REEP4: variants seen among roughly 807,000 people sequenced by gnomAD.
REEP4 encodes receptor accessory protein 4.
A neutral mutation model predicts 33.5 loss-of-function variants in REEP4; 17 were observed. The ratio of observed to expected loss-of-function variants is 0.51; its 90% confidence interval spans 0.35 to 0.76. The LOEUF (loss-of-function observed/expected upper bound fraction) is 0.76, where lower values mean the gene tolerates loss of function less well. Ranked by LOEUF, REEP4 falls within the 30% of genes least tolerant of loss-of-function variation. REEP4 has a pLI of 0.01. For missense variants in REEP4, 340 were observed against 357.9 expected (o/e 0.95, Z 0.40); for synonymous variants, 157 against 142.9 (o/e 1.10, Z -0.70).
At chr8:22,139,822 G>A (rs1827197563) in intron 4 of REEP4, 141 bp downstream of exon 4, 2 of 1,009,632 alleles carry the variant, frequency 2.0e-6, no homozygotes, top group South Asian at 1.6e-5. Flanking sequence ...GAGGTAGGCT[G>A]GGCCCTGTCA....
In REEP4 at chr8:22,140,672, C is replaced by G; in HGVS notation, c.58G>C (p.Ala20Pro). The G allele has an allele frequency of 1.2e-6, 2 of 1,613,896 alleles. No individual in the cohort carries two copies. The highest frequency in any genetic ancestry group is 1.7e-6 in the Non-Finnish European group (2 of 1,179,842). ...VVLVFGMLCP[A>P]YASYKAVKTK... ...TTCACAGCCTTATAGGAAGCATAAGCTGGACACAGCATCCCAAACACCAGC... is the reference window on the plus strand; with the variant it reads ...TTCACAGCCTTATAGGAAGCATAAGGTGGACACAGCATCCCAAACACCAGC... Residue 20 changes from alanine (A) to proline (P), a missense_variant, in exon 2 of 8, where the codon GCT (alanine) becomes CCT (proline). By Grantham distance (27) the Ala-to-Pro change is conservative. Transcript: ENST00000306306.
chr8:22,138,153 A>T lies in REEP4; in HGVS notation c.*334T>A. On this transcript the variant is annotated 3_prime_UTR_variant, in exon 8 of 8. Transcript: ENST00000306306. ...GTACTTTGAAGGACAGGAAGGAATG[A>T]ACACACCCAGGTGGACGTTTGGTTT... 1 of 598,550 alleles carries T rather than the reference A, an allele frequency of 1.7e-6. No homozygotes were observed. Among genetic ancestry groups the T allele is most frequent in the South Asian group, 2.0e-5 (1 of 50,494 alleles). 37.1% of individuals were successfully genotyped at this position (598,550 alleles called of 1,614,324 possible). A position where few individuals can be genotyped will look rare whatever the true frequency, so the allele number is the denominator to read the frequency against.
Position 22,141,510 on chromosome 8 carries a change from AC to A in REEP4, c.-29del. On this transcript the variant is annotated 5_prime_UTR_variant, in exon 1 of 8. Transcript: ENST00000306306. Reference sequence around the variant, plus strand: ...TGCCGGCCTTTGGGACGTGGGGAGGACCCCAGGAAGCCGCTCAGAAGGACGT... The same window carrying A: ...TGCCGGCCTTTGGGACGTGGGGAGGACCCAGGAAGCCGCTCAGAAGGACGT... 1 of 1,587,404 alleles carries A rather than the reference AC, an allele frequency of 6.3e-7. No homozygotes were observed. The highest frequency in any genetic ancestry group is 8.6e-7 in the Non-Finnish European group (1 of 1,168,060).
At chr8:22,141,418 G>A in intron 1 of REEP4, 33 bp downstream of exon 1, 3 of 1,596,560 alleles carry the variant, frequency 1.9e-6, no homozygotes, top group African/African-American at 1.4e-5. Context: ...CGGCACCCCG[G>A]GGTAGAGGAG....
In REEP4 at chr8:22,139,512, G is replaced by A. The variant is rs760561058; in HGVS notation, c.321C>T (p.Ile107=). The change falls in exon 5 of 8, where the codon ATC becomes ATT. Residue 107 remains isoleucine (I), a synonymous_variant. Coordinates refer to ENST00000306306, the MANE Select transcript of REEP4 (RefSeq NM_025232.4). Reference sequence around the variant, plus strand: ...CGTAGCTGCGCTCCTTGGCCTGCACGATGTACGCGTCGATCTCCTGTGGAC... The same window carrying A: ...CGTAGCTGCGCTCCTTGGCCTGCACAATGTACGCGTCGATCTCCTGTGGAC... The part of the protein sequence containing the change: ...SRHEKEIDAY[I]VQAKERSYET... 22 of 1,609,740 alleles carry A rather than the reference G, an allele frequency of 1.4e-5. No individual in the cohort carries two copies. Among genetic ancestry groups the A allele is most frequent in the Middle Eastern group, 1.6e-4 (1 of 6,076 alleles).
Position 22,139,409 on chromosome 8 carries a change from A to G in REEP4, c.417+7T>C, listed in dbSNP as rs1435344527. ...GGGGCTGCTGGAGGGCTGGGGGCCC[A>G]GAGCACCTTGGTGGCAGCCTGCACA... On this transcript the variant is annotated splice_region_variant and intron_variant, in intron 5 of 7. Transcript: ENST00000306306. 5 of 1,600,738 alleles carry G rather than the reference A, an allele frequency of 3.1e-6. No individual in the cohort carries two copies. The highest frequency in any genetic ancestry group is 4.3e-6 in the Non-Finnish European group (5 of 1,176,274).
At position 22,138,800 on chromosome 8, in the gene REEP4, G is replaced by A. The variant is rs1827173896; in HGVS notation, c.554-7C>T. The A allele has an allele frequency of 6.3e-7, 1 of 1,587,050 alleles. No individual in the cohort carries two copies. Among genetic ancestry groups the A allele is most frequent in the Non-Finnish European group, 8.6e-7 (1 of 1,169,444 alleles). On this transcript the variant is annotated splice_region_variant and splice_polypyrimidine_tract_variant and intron_variant, in intron 6 of 7. Transcript: ENST00000306306. ...AGGCCCCCGGCCCGGTACCCTGTGTGGAGGAGGAGGTGAAGCTGAAAGCCT... is the reference window on the plus strand; with the variant it reads ...AGGCCCCCGGCCCGGTACCCTGTGTAGAGGAGGAGGTGAAGCTGAAAGCCT...
rs73549546 is a variant in REEP4 at position 22,139,546 on chromosome 8, G to A, written c.304-17C>T. The A allele has an allele frequency of 8.4e-4, 1,332 of 1,581,446 alleles. 3 individuals are homozygous for A. The highest frequency in any genetic ancestry group is 8.2e-3 in the Middle Eastern group (49 of 5,954). Reference sequence around the variant, plus strand: ...GTCGATCTCCTGTGGACCCAATGGGGAGGAGAGCTCAGGTGGACAGCCAGA... The same window carrying A: ...GTCGATCTCCTGTGGACCCAATGGGAAGGAGAGCTCAGGTGGACAGCCAGA... On this transcript the variant is annotated splice_polypyrimidine_tract_variant and intron_variant, in intron 4 of 7. Transcript: ENST00000306306.
At chr8:22,139,789 C>T in intron 4 of REEP4, 174 bp downstream of exon 4, 3 of 841,898 alleles carry the variant, frequency 3.6e-6, no homozygotes, top group Non-Finnish European at 5.5e-6. Context: ...CATGTGTACC[C>T]CCACCTGATT....
rs1391560449 is a variant in REEP4, at chr8:22,140,662, G to A, written c.68C>T (p.Ser23Phe). Residue 23 changes from serine (S) to phenylalanine (F), a missense_variant, in exon 2 of 8, where the codon TCC (serine) becomes TTC (phenylalanine). Coordinates refer to ENST00000306306, the MANE Select transcript of REEP4 (RefSeq NM_025232.4). Reference protein sequence around the residue: ...VFGMLCPAYASYKAVKTKNIR... With the variant: ...VFGMLCPAYAFYKAVKTKNIR... ...GTTCTTGGTCTTCACAGCCTTATAG[G>A]AAGCATAAGCTGGACACAGCATCCC... is the stretch of plus-strand genomic sequence containing the variant. 5 of 1,613,820 alleles carry A rather than the reference G, an allele frequency of 3.1e-6. No individual in the cohort carries two copies. The highest frequency in any genetic ancestry group is 4.2e-6 in the Non-Finnish European group (5 of 1,179,870).
Position 22,138,675 on chromosome 8 carries a change from G to A in REEP4, c.672C>T (p.Ser224=), listed in dbSNP as rs751629239. The change falls in exon 7 of 8, where the codon AGC becomes AGT. Residue 224 remains serine, a synonymous_variant. Coordinates refer to ENST00000306306, the MANE Select transcript of REEP4 (RefSeq NM_025232.4). ...GTGGCTTCCTCTTGACCACACGCAG[G>A]CTCTGGCTGCGGATTAGGGGCTTCT... ...PREKPLIRSQ[S]LRVVKRKPPV... The A allele has an allele frequency of 1.2e-6, 2 of 1,613,728 alleles. No individual in the cohort carries two copies. Among genetic ancestry groups the A allele is most frequent in the Non-Finnish European group, 8.5e-7 (1 of 1,180,008 alleles).
chr8:22,138,718 GCCCGGGGGA>G lies in REEP4; in HGVS notation c.620_628del (p.Val207_Arg209del), dbSNP rs1563198847. On this transcript the variant is annotated inframe_deletion, in exon 7 of 8. Transcript: ENST00000306306. ...GGGCTTCTCTCGGGGCCGGGCTGGC[GCCCGGGGGA>G]CTGCCTCAGTATCTGACCAACACTC... 1 of 1,612,826 alleles carries G rather than the reference GCCCGGGGGA, an allele frequency of 6.2e-7. No homozygotes were observed. The highest frequency in any genetic ancestry group is 2.2e-5 in the East Asian group (1 of 44,870).
chr8:22,138,701 C>A lies in REEP4; in HGVS notation c.646G>T (p.Glu216Ter). The change falls in exon 7 of 8, where the codon GAG becomes TAG. Residue 216 changes from glutamate (E) to a stop codon, truncating the protein, a stop_gained. Coordinates refer to ENST00000306306, the MANE Select transcript of REEP4 (RefSeq NM_025232.4). LOFTEE classifies it high-confidence loss of function. ...CTCTGGCTGCGGATTAGGGGCTTCT[C>A]TCGGGGCCGGGCTGGCGCCCGGGGG... ...AVPRAPARPR[E>*]KPLIRSQSLR... 6.2e-7 allele frequency: 1 copy of A among 1,613,452 alleles called. No homozygotes were observed. The highest frequency in any genetic ancestry group is 8.5e-7 in the Non-Finnish European group (1 of 1,179,894).
In REEP4 at chr8:22,140,650, A is replaced by G; in HGVS notation, c.80T>C (p.Val27Ala). ...ATATTCACGAATGTTCTTGGTCTTCACAGCCTTATAGGAAGCATAAGCTGG... is the reference window on the plus strand; with the variant it reads ...ATATTCACGAATGTTCTTGGTCTTCGCAGCCTTATAGGAAGCATAAGCTGG... Reference protein sequence around the residue: ...LCPAYASYKAVKTKNIREYVR... With the variant: ...LCPAYASYKAAKTKNIREYVR... Residue 27 changes from valine to alanine, a missense_variant, in exon 2 of 8, where the codon GTG becomes GCG. Transcript: ENST00000306306. 2 of 1,613,956 alleles carry G rather than the reference A, an allele frequency of 1.2e-6. No individual in the cohort carries two copies. Among genetic ancestry groups the G allele is most frequent in the African/African-American group, 2.7e-5 (2 of 75,056 alleles).
In REEP4 at chr8:22,139,636, C is replaced by A. The variant is rs1170468913; in HGVS notation, c.304-107G>T. The A allele has an allele frequency of 3.3e-6, 3 of 918,750 alleles. No individual in the cohort carries two copies. In the East Asian group the frequency reaches 7.6e-5, roughly 23 times the overall value. 56.9% of individuals were successfully genotyped at this position (918,750 alleles called of 1,614,324 possible). A position where few individuals can be genotyped will look rare whatever the true frequency, so the allele number is the denominator to read the frequency against. Reference sequence around the variant, plus strand: ...TGGCGCCACCCAGCCCAGCCCAGCCCCACCTGGTGCCCAGAGCCACAAATC... The same window carrying A: ...TGGCGCCACCCAGCCCAGCCCAGCCACACCTGGTGCCCAGAGCCACAAATC... On this transcript the variant is annotated intron_variant, in intron 4 of 7. Coordinates refer to ENST00000306306, the MANE Select transcript of REEP4 (RefSeq NM_025232.4).
At chr8:22,139,937 T>C in intron 4 of REEP4, 26 bp downstream of exon 4, 1 of 1,563,462 alleles carries the variant, frequency 6.4e-7, no homozygotes, top group Non-Finnish European at 8.7e-7. Flanking sequence ...CCCCTAAGCC[T>C]CCCTTCCCGC....
At chr8:22,138,580 G>T (rs747540822) in intron 7 of REEP4, 28 bp from the exon 8 acceptor site, 2 of 1,613,926 alleles carry the variant, frequency 1.2e-6, no homozygotes, top group Non-Finnish European at 1.7e-6. Context: ...ACAGCATGAG[G>T]GTGTGGGGAG....
rs200623752 is a variant in REEP4 at position 22,140,163 on chromosome 8, C to T, written c.182+9G>A. 36 of 1,613,848 alleles carry T rather than the reference C, an allele frequency of 2.2e-5. No homozygotes were observed. Among genetic ancestry groups the T allele is most frequent in the South Asian group, 1.3e-4 (12 of 91,088 alleles). On this transcript the variant is annotated intron_variant, in intron 3 of 7. Transcript: ENST00000306306. ...CCTGACCCATGGCTTGCGGACCCTG[C>T]GTCCATACCAGGAGATAAAAATGTC...
chr8:22,139,719 G>T, intron 4 of REEP4, 190 bp from the exon 5 acceptor site: 2 of 672,830 alleles, frequency 3.0e-6, no homozygotes, highest in Non-Finnish European at 5.0e-6. Context: ...TCCATGAGTG[G>T]CCATGCTCCA....
Sources: allele counts gnomAD v4.1 joint callset, GRCh38; gene constraint gnomAD v4.1.1; transcripts MANE v1.5; gene names NCBI Gene and HGNC (gene_info 2026-07-23, HGNC 2026-07-21).